RORA: variants seen among roughly 807,000 people sequenced by gnomAD.
RORA encodes the protein nuclear receptor ROR-alpha.
A neutral mutation model predicts 69.5 loss-of-function variants in RORA; 7 were observed. That is an observed-to-expected ratio of 0.10 (90% CI 0.06 to 0.19). RORA has a LOEUF of 0.19. Among genes scored for constraint, RORA ranks in the 10% least tolerant of loss-of-function variants. The pLI is 1.00. For missense variants in RORA, 457 were observed against 663.0 expected (o/e 0.69, Z 3.41); for synonymous variants, 261 against 240.8 (o/e 1.08, Z -0.78).
At chr15:61,105,003 CA>C (rs2078932821) in intron 1 of RORA, among the ~76,000 whole-genome samples, 1 of 142,962 alleles carries the variant, frequency 7.0e-6, no homozygotes. Flanking sequence ...GCGCCCCCCC[CA>C]CCGCCCAGCC....
intron 1 of RORA, among the ~76,000 whole-genome samples, chr15:60,729,179 C>T (rs1445262141): frequency 2.0e-5 from 3 of 152,098 alleles, no homozygotes; most frequent in Non-Finnish European, 2.9e-5. Flanking sequence ...TCTCACATCC[C>T]CCCACCCCAC....
At chr15:61,100,562 C>T (rs951303232) in intron 1 of RORA, among the ~76,000 whole-genome samples, 2 of 152,166 alleles carry the variant, frequency 1.3e-5, no homozygotes, top group Non-Finnish European at 1.5e-5. Flanking sequence ...AGAGAGGTCT[C>T]ACTGTGTTGT....
intron 1 of RORA, among the ~76,000 whole-genome samples, chr15:61,158,825 C>G (rs557888860): frequency 6.6e-6 from 1 of 152,102 alleles, no homozygotes; most frequent in African/African-American, 2.4e-5. Context: ...TTCTGAAGCA[C>G]GTTCTATGGC....
At chr15:61,115,260 G>A (rs2079040763) in intron 1 of RORA, among the ~76,000 whole-genome samples, 1 of 145,724 alleles carries the variant, frequency 6.9e-6, no homozygotes. Flanking sequence ...CACCATGAAG[G>A]CTTGGTAATG....
intron 1 of RORA, among the ~76,000 whole-genome samples, chr15:60,907,937 G>A (rs540647289): frequency 3.4e-4 from 52 of 152,156 alleles, no homozygotes; most frequent in Non-Finnish European, 6.0e-4. Context: ...GAACACAGAG[G>A]GTCCTTCTCT....
chr15:60,960,053 T>G (rs190878648), intron 1 of RORA, among the ~76,000 whole-genome samples: 358 of 152,174 alleles, frequency 2.4e-3, no homozygotes, highest in Middle Eastern at 6.8e-3. Context: ...AGGATTTTTT[T>G]TGTGTGTGTG....
At chr15:61,034,788 CAAAAAAAAAAAA>C (rs33933996) in intron 1 of RORA, among the ~76,000 whole-genome samples, 5 of 82,954 alleles carry the variant, frequency 6.0e-5, no homozygotes, top group Non-Finnish European at 9.7e-5. Flanking sequence ...CATCACAGAC[CAAAAAAAAAAAA>C]AAAAAAAAAA....
intron 2 of RORA, among the ~76,000 whole-genome samples, chr15:60,550,154 G>A (rs1247650018): frequency 6.6e-6 from 1 of 152,208 alleles, no homozygotes; most frequent in Non-Finnish European, 1.5e-5. Flanking sequence ...AGCCAGGTGT[G>A]ATGGCACACG....
At chr15:60,881,746 G>C (rs2073682868) in intron 1 of RORA, among the ~76,000 whole-genome samples, 1 of 152,138 alleles carries the variant, frequency 6.6e-6, no homozygotes, top group Non-Finnish European at 1.5e-5. Context: ...CACTCAAGAA[G>C]GAAATAACAC....
At chr15:60,633,811 A>C (rs1391233194) in intron 2 of RORA, among the ~76,000 whole-genome samples, 1 of 152,236 alleles carries the variant, frequency 6.6e-6, no homozygotes, top group Non-Finnish European at 1.5e-5. Flanking sequence ...GCCCAGCCCA[A>C]ATATCATATG....
chr15:60,710,956 G>C (rs8026463), intron 1 of RORA, among the ~76,000 whole-genome samples: 26 of 152,290 alleles, frequency 1.7e-4, no homozygotes, highest in African/African-American at 6.3e-4. Context: ...CCAGCACTTA[G>C]AGGTGGGCAG....
At chr15:60,846,730 C>A (rs558773294) in intron 1 of RORA, among the ~76,000 whole-genome samples, 3 of 152,332 alleles carry the variant, frequency 2.0e-5, no homozygotes, top group East Asian at 3.9e-4. Context: ...GAAAGAAACT[C>A]GGGGCCAGCC....
At chr15:60,982,988 T>C (rs1308758411) in intron 1 of RORA, among the ~76,000 whole-genome samples, 2 of 152,194 alleles carry the variant, frequency 1.3e-5, no homozygotes, top group Non-Finnish European at 2.9e-5. Context: ...GCCAGCTACC[T>C]TTATAGACCT....
chr15:60,661,311 G>C (rs566104822), intron 2 of RORA, among the ~76,000 whole-genome samples: 1 of 152,282 alleles, frequency 6.6e-6, no homozygotes, highest in African/African-American at 2.4e-5. Context: ...TGAGTTACTT[G>C]ATATAGCATA....
rs368718945 is a variant in RORA, at chr15:60,503,484, G to A, written c.1075+51C>T. The A allele has an allele frequency of 3.8e-5, 61 of 1,591,132 alleles. No homozygotes were observed. In the African/African-American group the frequency reaches 7.9e-4, roughly 21 times the overall value. On this transcript the variant is annotated intron_variant, in intron 7 of 10. Transcript: ENST00000335670. Reference sequence around the variant, plus strand: ...TTACCAAGCATTTCTTTAATAAGCGGGTGAAAGCAGGTTAGGAAGAGATCT... The same window carrying A: ...TTACCAAGCATTTCTTTAATAAGCGAGTGAAAGCAGGTTAGGAAGAGATCT...
chr15:60,598,365 A>G (rs1164589987), intron 2 of RORA: 2 of 152,186 alleles, frequency 1.3e-5, no homozygotes, highest in Non-Finnish European at 2.9e-5. Context: ...CAGATTTGAC[A>G]TGTGTAGGTT....
rs1160619035 is a variant in RORA at position 60,492,647 on chromosome 15, TTATC to T, written c.*4804_*4807del. ...TTAACATATGATGCTATATATATAT[TTATC>T]ATGAATATTTTAATTATTAGAGAAA... On this transcript the variant is annotated 3_prime_UTR_variant, in exon 11 of 11. Coordinates refer to ENST00000335670, the MANE Select transcript of RORA (RefSeq NM_134261.3). 1 of 152,114 alleles carries T rather than the reference TTATC, an allele frequency of 6.6e-6. No individual in the cohort carries two copies. Among genetic ancestry groups the T allele is most frequent in the Non-Finnish European group, 1.5e-5 (1 of 67,996 alleles). The allele number at this position is 152,114 out of a possible 1,614,324, so 9.4% of individuals were successfully genotyped here. A position where few individuals can be genotyped will look rare whatever the true frequency, so the allele number is the denominator to read the frequency against.
intron 1 of RORA, among the ~76,000 whole-genome samples, chr15:60,786,896 C>T (rs560592444): frequency 6.6e-6 from 1 of 152,338 alleles, no homozygotes; most frequent in Non-Finnish European, 1.5e-5. Context: ...GCAACCTTCC[C>T]AGCGGAGGTG....
At chr15:60,583,560 C>T (rs142794439) in intron 2 of RORA, among the ~76,000 whole-genome samples, 4 of 152,198 alleles carry the variant, frequency 2.6e-5, no homozygotes, top group Admixed American at 2.0e-4. Flanking sequence ...GGCTTTATGA[C>T]GAAAAGGAGT....
Sources: allele counts gnomAD v4.1 joint callset (sites outside exome capture counted in the v4.1 genomes callset), GRCh38; gene constraint gnomAD v4.1.1; transcripts MANE v1.5; gene names NCBI Gene and HGNC (gene_info 2026-07-23, HGNC 2026-07-21).